The following CABLES1 variants were observed in gnomAD, a reference collection of about 807,000 sequenced individuals.
CABLES1 encodes the protein Cdk5 and Abl enzyme substrate 1.
Under a neutral mutation model 57.8 loss-of-function variants are expected in CABLES1, and 36 were observed. The observed-to-expected ratio is 0.62, with a 90% CI of 0.48 to 0.82. The LOEUF (loss-of-function observed/expected upper bound fraction) is 0.82, where lower values mean the gene tolerates loss of function less well. CABLES1 is among the 40% of genes least tolerant of loss of function. The probability of loss-of-function intolerance (pLI) is 0.00; values close to 1 mark genes in which losing one functional copy is unlikely to be tolerated. For synonymous variants in CABLES1, 374 were observed against 363.0 expected, an observed-to-expected ratio of 1.03 and a Z score of -0.35; for missense variants, 767 against 836.6, an observed-to-expected ratio of 0.92 and a Z score of 1.03.
At chr18:23,223,345 C>G (rs1378617748) in intron 4 of CABLES1, among the ~76,000 whole-genome samples, 1 of 151,844 alleles carries the variant, frequency 6.6e-6, no homozygotes, top group East Asian at 1.9e-4. Context: ...TTTGGGAGGC[C>G]GAGGCGGGCG....
At chr18:23,183,715 G>T (rs1298357452) in intron 1 of CABLES1, among the ~76,000 whole-genome samples, 4 of 152,144 alleles carry the variant, frequency 2.6e-5, no homozygotes, top group Admixed American at 2.6e-4. Flanking sequence ...ATGTCTACTT[G>T]GTCAGCCTGC....
intron 2 of CABLES1, among the ~76,000 whole-genome samples, chr18:23,192,833 G>A (rs1386033702): frequency 6.6e-6 from 1 of 152,092 alleles, no homozygotes; most frequent in Non-Finnish European, 1.5e-5. Flanking sequence ...TGGAGTTCTG[G>A]GTCTGCTCTC....
chr18:23,174,617 A>T (rs186048762), intron 1 of CABLES1, among the ~76,000 whole-genome samples: 194 of 151,422 alleles, frequency 1.3e-3, no homozygotes, highest in Non-Finnish European at 2.0e-3. Context: ...GACTACAGGC[A>T]CCCACCACCA....
At chr18:23,242,312 A>G (rs2047755921) in intron 7 of CABLES1, among the ~76,000 whole-genome samples, 1 of 152,160 alleles carries the variant, frequency 6.6e-6, no homozygotes, top group Non-Finnish European at 1.5e-5. Context: ...TGTGCAAAAC[A>G]AATTGCAGCT....
chr18:23,145,302 A>T (rs1366960254), intron 1 of CABLES1, among the ~76,000 whole-genome samples: 1 of 151,690 alleles, frequency 6.6e-6, no homozygotes, highest in East Asian at 1.9e-4. Flanking sequence ...CGATCTCTTG[A>T]CCTCGTGATC....
rs2047627784 is a variant in CABLES1, at chr18:23,237,305, G to C, written c.1446+60G>C. 2.6e-6 allele frequency: 3 copies of C among 1,165,690 alleles called. No homozygotes were observed. The African/African-American group carries it at 4.5e-5, about 18-fold the overall frequency. The allele number at this position is 1,165,690 out of a possible 1,614,324, so 72.2% of individuals were successfully genotyped here. On this transcript the variant is annotated intron_variant, in intron 7 of 9. Transcript: ENST00000256925. ...ACCGTCAGTTGCCCCACCTGGGTTG[G>C]TGGCCGGCTGGGGGCTTGTTCAAAG...
rs1968894591 is a variant in CABLES1, at chr18:23,253,629, G to C, written c.1554-100G>C. ...AATCCCAGTCCAGATCACCCTCTGG[G>C]AAAGAGAAAGAGAAAAAGCATTCAA... On this transcript the variant is annotated intron_variant, in intron 8 of 9. Transcript: ENST00000256925. 4.0e-6 allele frequency: 4 copies of C among 993,462 alleles called. No homozygotes were observed. In the South Asian group the frequency reaches 6.2e-5, roughly 15 times the overall value. The allele number at this position is 993,462 out of a possible 1,614,324, so 61.5% of individuals were successfully genotyped here. A position where few individuals can be genotyped will look rare whatever the true frequency, so the allele number is the denominator to read the frequency against.
At chr18:23,149,915 T>C (rs566054442) in intron 1 of CABLES1, 1 of 152,328 alleles carries the variant, frequency 6.6e-6, no homozygotes, top group African/African-American at 2.4e-5. Context: ...CAGAAAAGAT[T>C]TTATTTATTC....
intron 7 of CABLES1, among the ~76,000 whole-genome samples, chr18:23,250,675 C>T (rs1451575435): frequency 6.6e-6 from 1 of 152,164 alleles, no homozygotes; most frequent in East Asian, 1.9e-4. Flanking sequence ...CTTTCCTGGT[C>T]CTTGCAGGGC....
rs2047605465 is a variant in CABLES1, at chr18:23,235,963, C to T, written c.1254C>T (p.Ser418=). Reference sequence around the variant, plus strand: ...GAGCCCGGAGAAATACCATAGACTCCACCTCCTCTTTCTCCCAGTTCCGTA... The same window carrying T: ...GAGCCCGGAGAAATACCATAGACTCTACCTCCTCTTTCTCCCAGTTCCGTA... ...AFGARRNTID[S]TSSFSQFRNL... Residue 418 remains serine (S), a synonymous_variant, in exon 6 of 10, where the codon TCC becomes TCT. Coordinates refer to ENST00000256925, the MANE Select transcript of CABLES1 (RefSeq NM_001100619.3). The T allele has an allele frequency of 6.2e-7, 1 of 1,614,182 alleles. No individual in the cohort carries two copies. Among genetic ancestry groups the T allele is most frequent in the Non-Finnish European group, 8.5e-7 (1 of 1,180,008 alleles).
At chr18:23,144,965 TCA>T (rs2046882589) in intron 1 of CABLES1, among the ~76,000 whole-genome samples, 1 of 149,896 alleles carries the variant, frequency 6.7e-6, no homozygotes, top group African/African-American at 2.5e-5. Context: ...AGACGGAGCC[TCA>T]CTCTGTTGCC....
At chr18:23,190,686 C>T (rs541227397) in intron 2 of CABLES1, among the ~76,000 whole-genome samples, 1 of 152,290 alleles carries the variant, frequency 6.6e-6, no homozygotes, top group East Asian at 1.9e-4. Flanking sequence ...TGCACTGAAC[C>T]TCAAATCTTG....
intron 4 of CABLES1, among the ~76,000 whole-genome samples, chr18:23,233,573 C>T (rs1311166712): frequency 6.6e-6 from 1 of 152,190 alleles, no homozygotes; most frequent in African/African-American, 2.4e-5. Context: ...TTTGGCCAGG[C>T]ATGGTAGCTC....
chr18:23,184,500 C>T (rs990768199), intron 1 of CABLES1, among the ~76,000 whole-genome samples: 5 of 152,120 alleles, frequency 3.3e-5, no homozygotes, highest in African/African-American at 9.7e-5. Context: ...ACCAGTAGTT[C>T]GAGACCTGCC....
Position 23,253,785 on chromosome 18 carries a change from CG to C in CABLES1, c.1612del (p.Val538TrpfsTer32), listed in dbSNP as rs761243444. The C allele has an allele frequency of 1.9e-6, 3 of 1,614,176 alleles. No homozygotes were observed. On this transcript the variant is annotated frameshift_variant, in exon 9 of 10. Transcript: ENST00000256925. LOFTEE classifies it high-confidence loss of function. ...AQEDCGLEEP[T>X]VAMAFVYFEK... is the part of the protein sequence containing the mutation. ...GAGGACTGTGGCCTTGAGGAGCCCA[CG>C]GTGGCCATGGCCTTCGTCTACTTTG...
chr18:23,180,179 C>T (rs2047155209), intron 1 of CABLES1, among the ~76,000 whole-genome samples: 1 of 152,148 alleles, frequency 6.6e-6, no homozygotes, highest in Non-Finnish European at 1.5e-5. Context: ...CCTCAGCCTC[C>T]CAAAGTGCTA....
Position 23,136,538 on chromosome 18 carries a change from A to G in CABLES1, c.776A>G (p.Asn259Ser). The change falls in exon 1 of 10, where the codon AAC becomes AGC. Residue 259 changes from asparagine (N) to serine (S), a missense_variant. By Grantham distance (46) the Asn-to-Ser change is conservative (BLOSUM62 1). Transcript: ENST00000256925. ...PIAFSRPTSQ[N>S]YCSLEQPGQG... Reference sequence around the variant, plus strand: ...GCCTTCTCCAGGCCGACTTCGCAGAACTACTGCTCCCTGGAGCAGCCAGGC... The same window carrying G: ...GCCTTCTCCAGGCCGACTTCGCAGAGCTACTGCTCCCTGGAGCAGCCAGGC... The G allele has an allele frequency of 6.3e-7, 1 of 1,578,384 alleles. No homozygotes were observed.
chr18:23,208,822 A>G (rs757352196), intron 3 of CABLES1, among the ~76,000 whole-genome samples: 1 of 151,850 alleles, frequency 6.6e-6, no homozygotes. Flanking sequence ...TCAGCTCTCA[A>G]CTCTTCCAGC....
chr18:23,206,128 A>AT (rs2047361311), intron 3 of CABLES1, among the ~76,000 whole-genome samples: 1 of 152,060 alleles, frequency 6.6e-6, no homozygotes, highest in Non-Finnish European at 1.5e-5. Flanking sequence ...TGCCCATCTG[A>AT]CAGCGCCTGC....
Sources: allele counts gnomAD v4.1 joint callset (sites outside exome capture counted in the v4.1 genomes callset), GRCh38; gene constraint gnomAD v4.1.1; transcripts MANE v1.5; gene names NCBI Gene and HGNC (gene_info 2026-07-23, HGNC 2026-07-21).